Variants in ASIC2 observed in about 807,000 individuals in gnomAD.
ASIC2 encodes the protein acid-sensing ion channel 2.
In ASIC2, 25 loss-of-function variants were observed where a neutral mutation model predicts 57.3. That is an observed-to-expected ratio of 0.44 (90% CI 0.32 to 0.61). The LOEUF (loss-of-function observed/expected upper bound fraction) is 0.61. Among genes scored for constraint, ASIC2 ranks in the 20% least tolerant of loss-of-function variants. The pLI is 0.06. For missense variants in ASIC2, 641 were observed against 738.1 expected (o/e 0.87, Z 1.52); for synonymous variants, 319 against 307.5 (o/e 1.04, Z -0.39).
chr17:33,295,596 ATTGT>A (rs1905690089), upstream of ASIC2, among the ~76,000 whole-genome samples: 1 of 152,148 alleles, frequency 6.6e-6, no homozygotes, highest in African/African-American at 2.4e-5. Flanking sequence ...AGCCCTTATC[ATTGT>A]TTGTGTCCAA....
chr17:33,937,248 C>T (rs1385858670), intron 1 of ASIC2, among the ~76,000 whole-genome samples: 1 of 152,158 alleles, frequency 6.6e-6, no homozygotes, highest in Admixed American at 6.5e-5. Flanking sequence ...ATTACACTCA[C>T]GTGCCACCAC....
Position 33,810,655 on chromosome 17 carries a change from A to G in ASIC2, c.555+345323T>C, listed in dbSNP as rs76273217. Among the ~76,000 whole-genome samples the G allele has an allele frequency of 7.1e-3, 1,081 of 152,278 alleles. 14 individuals carry two copies. Among genetic ancestry groups the G allele is most frequent in the African/African-American group, 0.025 (1,033 of 41,534 alleles). Reference sequence around the variant, plus strand: ...GGGAACTCAGCCACAGAGAAGTGAAATGGTTTGTCTAAGTTCAAATTATGT... The same window carrying G: ...GGGAACTCAGCCACAGAGAAGTGAAGTGGTTTGTCTAAGTTCAAATTATGT... On this transcript the variant is annotated intron_variant, in intron 1 of 9. Transcript: ENST00000359872.
intron 1 of ASIC2, among the ~76,000 whole-genome samples, chr17:33,272,048 G>A (rs534340918): frequency 2.8e-3 from 371 of 133,220 alleles, no homozygotes; most frequent in African/African-American, 9.5e-3. Context: ...TATCTCTTCT[G>A]CCCAGAGCAC....
intron 6 of ASIC2, among the ~76,000 whole-genome samples, chr17:33,023,344 G>T (rs1406330171): frequency 6.6e-6 from 1 of 151,982 alleles, no homozygotes; most frequent in Non-Finnish European, 1.5e-5. Context: ...AAAAAAATTA[G>T]CTGGGCATGG....
intron 1 of ASIC2, among the ~76,000 whole-genome samples, chr17:33,235,303 C>A (rs953233575): frequency 6.6e-6 from 1 of 152,184 alleles, no homozygotes; most frequent in African/African-American, 2.4e-5. Context: ...ACACACAGGG[C>A]TCCACTCCTG....
chr17:33,310,850 A>T (rs1906385184), intron 1 of ASIC2, among the ~76,000 whole-genome samples: 1 of 152,178 alleles, frequency 6.6e-6, no homozygotes, highest in Non-Finnish European at 1.5e-5. Context: ...AGATACATAA[A>T]TGTATATCTA....
At chr17:33,217,217 G>T (rs916730016) in intron 1 of ASIC2, among the ~76,000 whole-genome samples, 2 of 152,170 alleles carry the variant, frequency 1.3e-5, no homozygotes, top group African/African-American at 4.8e-5. Context: ...CTGATGGATG[G>T]TTACCCCAAA....
At chr17:33,962,598 G>A (rs773336942) in intron 1 of ASIC2, among the ~76,000 whole-genome samples, 12 of 152,268 alleles carry the variant, frequency 7.9e-5, no homozygotes, top group African/African-American at 2.6e-4. Context: ...AAGTGCTCAT[G>A]TTCGCTTGTA....
At chr17:33,660,947 T>C (rs1327165659) in intron 1 of ASIC2, among the ~76,000 whole-genome samples, 1 of 152,212 alleles carries the variant, frequency 6.6e-6, no homozygotes, top group African/African-American at 2.4e-5. Context: ...ACTTGGCCCC[T>C]GGCTCCTTAA....
At chr17:33,064,927 G>T (rs2092036834) in intron 3 of ASIC2, among the ~76,000 whole-genome samples, 1 of 152,168 alleles carries the variant, frequency 6.6e-6, no homozygotes, top group African/African-American at 2.4e-5. Flanking sequence ...AAGATGATAT[G>T]TCCTTTGCAC....
Position 33,424,794 on chromosome 17 carries a change from T to TA in ASIC2, c.556-312728dup, listed in dbSNP as rs1460845927. ...TCTAGAGTTCCTGCACTTCACCTTC[T>TA]ACCCCCACAGCCACCTTTGTTGGTG... On this transcript the variant is annotated intron_variant, in intron 1 of 9. Coordinates refer to the ASIC2 transcript ENST00000359872. 6.6e-5 allele frequency among the ~76,000 whole-genome samples: 10 copies of TA among 152,262 alleles called. No homozygotes were observed. In the East Asian group the frequency reaches 1.9e-3, roughly 29 times the overall value.
At chr17:34,140,196 G>A (rs962823101) in intron 1 of ASIC2, among the ~76,000 whole-genome samples, 1 of 152,208 alleles carries the variant, frequency 6.6e-6, no homozygotes, top group Non-Finnish European at 1.5e-5. Flanking sequence ...AGCCCAGTGG[G>A]ATAGGAAGAC....
chr17:33,087,159 C>G (rs950880785), intron 3 of ASIC2, among the ~76,000 whole-genome samples: 1 of 152,198 alleles, frequency 6.6e-6, no homozygotes, highest in Admixed American at 6.5e-5. Flanking sequence ...ACCCAGGCTG[C>G]CTGTCCATCT....
chr17:33,469,486 T>A (rs1912971852), intron 1 of ASIC2, among the ~76,000 whole-genome samples: 1 of 152,092 alleles, frequency 6.6e-6, no homozygotes, highest in African/African-American at 2.4e-5. Context: ...CTCCTAAAGC[T>A]GCAGGAAGAG....
At chr17:33,124,491 G>T (rs1013897773) in intron 1 of ASIC2, among the ~76,000 whole-genome samples, 3 of 152,164 alleles carry the variant, frequency 2.0e-5, no homozygotes, top group Non-Finnish European at 4.4e-5. Flanking sequence ...TGCCACTATG[G>T]GTCCTTTGGA....
At chr17:33,867,215 A>G (rs965136349) in intron 1 of ASIC2, among the ~76,000 whole-genome samples, 28 of 152,130 alleles carry the variant, frequency 1.8e-4, no homozygotes, top group African/African-American at 5.8e-4. Flanking sequence ...TATATCTGCT[A>G]TATCTAAAAA....
chr17:33,155,890 G>T (rs1043675706), intron 1 of ASIC2, among the ~76,000 whole-genome samples: 1 of 152,072 alleles, frequency 6.6e-6, no homozygotes, highest in African/African-American at 2.4e-5. Flanking sequence ...AGTACTACTT[G>T]AGTGCATTGT....
At position 33,198,959 on chromosome 17, in the gene ASIC2, T is replaced by C. The variant is rs145370186; in HGVS notation, c.709-86892A>G. On this transcript the variant is annotated intron_variant, in intron 1 of 9. Coordinates refer to ENST00000225823, the MANE Select transcript of ASIC2 (RefSeq NM_183377.2). ...TGGTGGGAAGAATTGCTCTTTTGATTTAACCTTGCTATCTGTCATTAAACA... is the reference window on the plus strand; with the variant it reads ...TGGTGGGAAGAATTGCTCTTTTGATCTAACCTTGCTATCTGTCATTAAACA... Among the ~76,000 whole-genome samples the C allele has an allele frequency of 4.6e-3, 696 of 152,294 alleles. 6 individuals are homozygous for C. Among genetic ancestry groups the C allele is most frequent in the Admixed American group, 0.01 (157 of 15,306 alleles).
At chr17:33,940,725 T>C (rs567030714) in intron 1 of ASIC2, among the ~76,000 whole-genome samples, 3 of 152,254 alleles carry the variant, frequency 2.0e-5, no homozygotes, top group African/African-American at 7.2e-5. Context: ...TCTTTGCAAA[T>C]TGAGACAAGA....
Sources: gnomAD v4.1 joint callset for allele counts (sites outside exome capture counted in the v4.1 genomes callset) on GRCh38, gnomAD v4.1.1 for gene constraint, MANE v1.5 for transcripts, NCBI Gene and HGNC (gene_info 2026-07-23, HGNC 2026-07-21) for gene names.